The following PAQR5 variants were observed in gnomAD, a reference collection of about 807,000 sequenced individuals.
The protein encoded by PAQR5 is progestin and adipoQ receptor family member 5, also known as membrane progestin receptor gamma.
PAQR5 carries 20 observed loss-of-function variants against 34.5 expected under a neutral mutation model. The ratio of observed to expected loss-of-function variants is 0.58; its 90% CI spans 0.41 to 0.84. The LOEUF (loss-of-function observed/expected upper bound fraction) is 0.84. PAQR5 is among the 40% of genes least tolerant of loss of function. The pLI, the probability that PAQR5 is intolerant of heterozygous loss-of-function variation, is 0.00. For synonymous variants in PAQR5, 131 were observed against 155.6 expected, an observed-to-expected ratio of 0.84 and a Z score of 1.18; for missense variants, 378 against 412.7, an observed-to-expected ratio of 0.92 and a Z score of 0.73.
intron 1 of PAQR5, among the ~76,000 whole-genome samples, chr15:69,329,646 G>A (rs901162889): frequency 6.6e-5 from 10 of 151,244 alleles, no homozygotes; most frequent in East Asian, 1.9e-4. Context: ...CACCACACCC[G>A]GCTAATATTT....
chr15:69,325,352 ATGTT>A (rs2140633492), intron 1 of PAQR5, among the ~76,000 whole-genome samples: 1 of 152,164 alleles, frequency 6.6e-6, no homozygotes, highest in Non-Finnish European at 1.5e-5. Context: ...GCACCCTGGA[ATGTT>A]TGTTTCTCTT....
intron 2 of PAQR5, among the ~76,000 whole-genome samples, chr15:69,357,665 T>C (rs537903585): frequency 3.9e-5 from 6 of 152,338 alleles, no homozygotes; most frequent in African/African-American, 1.2e-4. Context: ...CTTTGAGTAT[T>C]GTGAATAATG....
At chr15:69,359,841 GGAA>G (rs2055186546) in intron 2 of PAQR5, 122 bp from the exon 3 acceptor site, 1 of 472,810 alleles carries the variant, frequency 2.1e-6, no homozygotes, top group African/African-American at 2.0e-5. Context: ...CTGTTTTTAA[GGAA>G]GCTTGATCTT....
intron 1 of PAQR5, among the ~76,000 whole-genome samples, chr15:69,336,282 C>T (rs977156296): frequency 1.3e-5 from 2 of 152,086 alleles, no homozygotes; most frequent in Non-Finnish European, 2.9e-5. Context: ...ATATCTCTTT[C>T]TAACCTAATA....
intron 6 of PAQR5, among the ~76,000 whole-genome samples, chr15:69,395,947 G>A (rs2056416256): frequency 6.6e-6 from 1 of 152,042 alleles, no homozygotes; most frequent in South Asian, 2.1e-4. Flanking sequence ...CGGGCACACA[G>A]TGGTGTCCCT....
At chr15:69,382,740 A>G (rs1334748238) in intron 4 of PAQR5, 16 of 143,500 alleles carry the variant, frequency 1.1e-4, no homozygotes, top group African/African-American at 3.4e-4. Flanking sequence ...ATGTGTATAT[A>G]TATATGTGTG....
intron 2 of PAQR5, among the ~76,000 whole-genome samples, chr15:69,345,458 G>C (rs2054744686): frequency 6.6e-6 from 1 of 152,172 alleles, no homozygotes; most frequent in African/African-American, 2.4e-5. Flanking sequence ...AAAGTTCTGT[G>C]TTGGGGGATC....
intron 1 of PAQR5, among the ~76,000 whole-genome samples, chr15:69,301,283 C>T (rs28491594): frequency 2.6e-5 from 4 of 152,022 alleles, no homozygotes; most frequent in Admixed American, 6.6e-5. Flanking sequence ...GGATTGCAGG[C>T]GTGAGCCACT....
At chr15:69,337,882 C>G (rs2054547119) in intron 2 of PAQR5, among the ~76,000 whole-genome samples, 1 of 152,056 alleles carries the variant, frequency 6.6e-6, no homozygotes, top group Admixed American at 6.6e-5. Context: ...CAAGACCAGC[C>G]TGGACAACAT....
intron 6 of PAQR5, chr15:69,397,116 G>A (rs773148191): frequency 9.3e-5 from 33 of 356,242 alleles, no homozygotes; most frequent in South Asian, 3.9e-4. Flanking sequence ...CCCCCTACCC[G>A]TTCCCTGTCC....
chr15:69,391,552 C>G, intron 6 of PAQR5: 1 of 414,878 alleles, frequency 2.4e-6, no homozygotes, highest in South Asian at 1.7e-5. Context: ...AAGCAAGCCC[C>G]GGAGACCTGG....
At chr15:69,317,327 C>A (rs959576944) in intron 1 of PAQR5, among the ~76,000 whole-genome samples, 1 of 152,146 alleles carries the variant, frequency 6.6e-6, no homozygotes. Context: ...GCTCCCTCAC[C>A]CCATCTAAGC....
intron 3 of PAQR5, among the ~76,000 whole-genome samples, chr15:69,379,021 C>T (rs2055803023): frequency 6.6e-6 from 1 of 152,202 alleles, no homozygotes; most frequent in South Asian, 2.1e-4. Context: ...GCTACCTCAA[C>T]AAATTAAACA....
chr15:69,374,175 T>C (rs1485208578), intron 3 of PAQR5, among the ~76,000 whole-genome samples: 1 of 152,126 alleles, frequency 6.6e-6, no homozygotes, highest in Non-Finnish European at 1.5e-5. Flanking sequence ...TGGTTTCATA[T>C]CAACAATGGT....
intron 8 of PAQR5, among the ~76,000 whole-genome samples, chr15:69,400,691 T>C (rs189385607): frequency 3.4e-4 from 51 of 151,944 alleles, no homozygotes; most frequent in African/African-American, 1.1e-3. Context: ...AAAAAGTACA[T>C]TGGGAGCAGC....
At chr15:69,402,411 G>A (rs181925093) in intron 8 of PAQR5, among the ~76,000 whole-genome samples, 53 of 151,582 alleles carry the variant, frequency 3.5e-4, no homozygotes, top group African/African-American at 1.1e-3. Context: ...TCTGCCTCCC[G>A]AGTTCACGCC....
chr15:69,313,899 G>C (rs1056095387), intron 1 of PAQR5, among the ~76,000 whole-genome samples: 12 of 152,160 alleles, frequency 7.9e-5, no homozygotes, highest in Admixed American at 2.6e-4. Flanking sequence ...GTCCTGGGGG[G>C]GCTGCAAGCT....
In PAQR5 at chr15:69,384,692, G is replaced by T. The variant is rs1325216074; in HGVS notation, c.195G>T (p.Arg65Ser). The change falls in exon 5 of 9, where the codon AGG (arginine) becomes AGT (serine). Residue 65 changes from arginine (R) to serine (S), a missense_variant. By Grantham distance (110) the Arg-to-Ser change is moderately radical (BLOSUM62 -1). Transcript: ENST00000395407. ...TGTGTTCCAGGTTCTTTGCATGGAG[G>T]TTTGTGACTGCACTGTATATGACAG... ...HLLPFWFFAW[R>S]FVTALYMTDI... The T allele has an allele frequency of 6.2e-7, 1 of 1,613,722 alleles. No individual in the cohort carries two copies. Among genetic ancestry groups the T allele is most frequent in the Non-Finnish European group, 8.5e-7 (1 of 1,179,772 alleles).
chr15:69,389,712 C>T lies in PAQR5; in HGVS notation c.444C>T (p.Phe148=). Residue 148 remains phenylalanine (F), a synonymous_variant, in exon 6 of 9, where the codon TTC becomes TTT. Transcript: ENST00000395407. The part of the protein sequence containing the change: ...TFPDALMCTT[F]HDYYVALAVL... ...CGGATGCGCTCATGTGCACCACTTTCCATGACTACTACGTGGCCCTGGCTG... is the reference window on the plus strand; with the variant it reads ...CGGATGCGCTCATGTGCACCACTTTTCATGACTACTACGTGGCCCTGGCTG... 2 of 1,614,196 alleles carry T rather than the reference C, an allele frequency of 1.2e-6. No homozygotes were observed. The highest frequency in any genetic ancestry group is 2.2e-5 in the South Asian group (2 of 91,084).
Sources: gnomAD v4.1 joint callset for allele counts (sites outside exome capture counted in the v4.1 genomes callset) on GRCh38, gnomAD v4.1.1 for gene constraint, MANE v1.5 for transcripts, NCBI Gene and HGNC (gene_info 2026-07-23, HGNC 2026-07-21) for gene names.